Variants in CNTNAP2 observed in about 807,000 individuals in gnomAD.
CNTNAP2 encodes the protein contactin associated protein 2, also known as contactin-associated protein-like 2.
Under a neutral mutation model 155.2 loss-of-function variants are expected in CNTNAP2, and 98 were observed. The observed-to-expected ratio is 0.63, with a 90% CI of 0.54 to 0.75. The LOEUF (loss-of-function observed/expected upper bound fraction) is 0.75. CNTNAP2 is among the 30% of genes least tolerant of loss of function. The pLI is 0.00. For synonymous variants in CNTNAP2, 651 were observed against 631.2 expected, an observed-to-expected ratio of 1.03 and a Z score of -0.47; for missense variants, 1,727 against 1,688.1, an observed-to-expected ratio of 1.02 and a Z score of -0.40.
intron 13 of CNTNAP2, among the ~76,000 whole-genome samples, chr7:147,749,482 T>C (rs1584936365): frequency 1.3e-5 from 2 of 152,204 alleles, no homozygotes; most frequent in East Asian, 3.8e-4. Context: ...GAGTCATAGA[T>C]ATGAACATAT....
intron 3 of CNTNAP2, among the ~76,000 whole-genome samples, chr7:146,848,336 G>C (rs999405209): frequency 6.6e-6 from 1 of 152,168 alleles, no homozygotes; most frequent in African/African-American, 2.4e-5. Context: ...ATTGCAGACA[G>C]ATTTATCGTG....
Position 147,972,816 on chromosome 7 carries a change from G to A in CNTNAP2, c.2256-5046G>A, listed in dbSNP as rs566152719. ...GGATCGTAACTTTCAACAAAGGCTC[G>A]TTTTGCTTGCAAAAAGATTCACACA... is the stretch of plus-strand genomic sequence containing the variant. On this transcript the variant is annotated intron_variant, in intron 14 of 23. Coordinates refer to ENST00000361727, the MANE Select transcript of CNTNAP2 (RefSeq NM_014141.6). Among the ~76,000 whole-genome samples the A allele has an allele frequency of 8.5e-5, 13 of 152,114 alleles. No individual in the cohort carries two copies. The South Asian group carries it at 2.1e-3, about 24-fold the overall frequency.
chr7:148,047,196 C>G (rs139513514), intron 15 of CNTNAP2, among the ~76,000 whole-genome samples: 12 of 152,148 alleles, frequency 7.9e-5, no homozygotes, highest in Non-Finnish European at 1.3e-4. Context: ...GAGTATGACC[C>G]ATAAAATCAC....
chr7:148,271,600 G>A (rs959991710), intron 21 of CNTNAP2, among the ~76,000 whole-genome samples: 2 of 152,176 alleles, frequency 1.3e-5, no homozygotes, highest in East Asian at 1.9e-4. Context: ...AAGCAAGGAC[G>A]AGGTTCTTGC....
chr7:148,315,338 A>G (rs2116525428), intron 21 of CNTNAP2, among the ~76,000 whole-genome samples: 1 of 152,270 alleles, frequency 6.6e-6, no homozygotes, highest in Middle Eastern at 3.4e-3. Context: ...AGGCCGTTTT[A>G]TAAGATTTGG....
Position 146,852,022 on chromosome 7 carries a change from AATTT to A in CNTNAP2, c.402+12123_402+12126del, listed in dbSNP as rs1207147834. ...TTTATATGGCATTCATTTTACAAAA[AATTT>A]ATTTGTTTAGAATCCACTTTACTCT... On this transcript the variant is annotated intron_variant, in intron 3 of 23. Transcript: ENST00000361727. 2.0e-5 allele frequency among the ~76,000 whole-genome samples: 3 copies of A among 152,074 alleles called. No homozygotes were observed. The East Asian group carries it at 5.8e-4, about 30-fold the overall frequency.
chr7:148,084,950 T>C (rs1054093906), intron 15 of CNTNAP2, among the ~76,000 whole-genome samples: 9 of 152,218 alleles, frequency 5.9e-5, no homozygotes, highest in African/African-American at 2.2e-4. Context: ...TGTAATAAGT[T>C]TTACAGCATT....
chr7:147,559,391 G>C (rs1025982773), intron 11 of CNTNAP2, among the ~76,000 whole-genome samples: 1 of 152,182 alleles, frequency 6.6e-6, no homozygotes, highest in Admixed American at 6.5e-5. Flanking sequence ...ATGAAGATCT[G>C]TGATATAATT....
intron 21 of CNTNAP2, among the ~76,000 whole-genome samples, chr7:148,371,264 G>T (rs1312453948): frequency 6.6e-6 from 1 of 152,156 alleles, no homozygotes; most frequent in Admixed American, 6.5e-5. Context: ...AGGGGGAGAG[G>T]AGGCTACGTG....
At chr7:147,134,398 C>A (rs904434465) in intron 8 of CNTNAP2, among the ~76,000 whole-genome samples, 1 of 151,496 alleles carries the variant, frequency 6.6e-6, no homozygotes, top group Non-Finnish European at 1.5e-5. Context: ...TCAATTTAGC[C>A]AAGAATCTGT....
At chr7:146,511,542 CA>C (rs1378179556) in intron 1 of CNTNAP2, among the ~76,000 whole-genome samples, 5 of 152,104 alleles carry the variant, frequency 3.3e-5, no homozygotes, top group East Asian at 1.9e-4. Context: ...TGGAAATAAA[CA>C]TTTTTTTAAA....
At chr7:147,499,549 A>G (rs1341822175) in intron 11 of CNTNAP2, among the ~76,000 whole-genome samples, 1 of 152,094 alleles carries the variant, frequency 6.6e-6, no homozygotes, top group Non-Finnish European at 1.5e-5. Context: ...TACCGATATA[A>G]TGATGTATTA....
intron 15 of CNTNAP2, among the ~76,000 whole-genome samples, chr7:148,054,108 G>C (rs926712390): frequency 6.6e-6 from 1 of 152,054 alleles, no homozygotes; most frequent in East Asian, 1.9e-4. Flanking sequence ...GAGTAGCTGG[G>C]ACTACAGGTA....
chr7:146,915,590 G>T (rs368943479), intron 3 of CNTNAP2, among the ~76,000 whole-genome samples: 1 of 151,804 alleles, frequency 6.6e-6, no homozygotes, highest in Admixed American at 6.6e-5. Context: ...TGCAGCTATC[G>T]TAAAAGGAGT....
At chr7:148,411,947 G>GTATC (rs71529606) in intron 23 of CNTNAP2, among the ~76,000 whole-genome samples, 87,878 of 150,910 alleles carry the variant, frequency 0.58, 26,275 homozygotes, top group African/African-American at 0.67. Context: ...CTTTATTGTT[G>GTATC]TATCTTTTTT....
chr7:147,850,375 C>A (rs937074554), intron 13 of CNTNAP2, among the ~76,000 whole-genome samples: 1 of 152,216 alleles, frequency 6.6e-6, no homozygotes, highest in Non-Finnish European at 1.5e-5. Flanking sequence ...CCATCCCAAT[C>A]AAGCTACCAA....
chr7:147,837,868 T>C (rs185946212), intron 13 of CNTNAP2, among the ~76,000 whole-genome samples: 4 of 152,308 alleles, frequency 2.6e-5, no homozygotes, highest in Admixed American at 2.0e-4. Context: ...TCCCTGTGGC[T>C]TTGCAGGCTA....
At chr7:146,501,493 G>T (rs1391212281) in intron 1 of CNTNAP2, among the ~76,000 whole-genome samples, 2 of 151,856 alleles carry the variant, frequency 1.3e-5, no homozygotes, top group Non-Finnish European at 2.9e-5. Flanking sequence ...TATCTCACTT[G>T]TAGGCATAGA....
chr7:148,330,397 GA>G (rs1797968444), intron 21 of CNTNAP2, among the ~76,000 whole-genome samples: 1 of 151,464 alleles, frequency 6.6e-6, no homozygotes, highest in African/African-American at 2.4e-5. Flanking sequence ...GGATAGAGTG[GA>G]GGGATGGAGT....
Sources: allele counts gnomAD v4.1 joint callset (sites outside exome capture counted in the v4.1 genomes callset), GRCh38; gene constraint gnomAD v4.1.1; transcripts MANE v1.5; gene names NCBI Gene and HGNC (gene_info 2026-07-23, HGNC 2026-07-21).